MAP3K5: variants seen among roughly 807,000 people sequenced by gnomAD.
MAP3K5 encodes mitogen-activated protein kinase kinase kinase 5, also known as ASK-1.
MAP3K5 carries 56 observed loss-of-function variants against 158.7 expected under a neutral mutation model. That is an observed-to-expected ratio of 0.35 (90% CI 0.28 to 0.44). The LOEUF is 0.44. Among genes scored for constraint, MAP3K5 ranks in the 20% least tolerant of loss-of-function variants. The pLI is 1.00. For synonymous variants in MAP3K5, 579 were observed against 601.7 expected (o/e 0.96, Z 0.55); for missense variants, 1,294 against 1,674.8 (o/e 0.77, Z 3.97).
intron 1 of MAP3K5, among the ~76,000 whole-genome samples, chr6:136,738,353 T>A (rs1782563358): frequency 6.6e-6 from 1 of 152,154 alleles, no homozygotes; most frequent in Non-Finnish European, 1.5e-5. Context: ...GCTGCGGACC[T>A]GCTTGTCTGT....
chr6:136,651,199 T>C, intron 10 of MAP3K5, 108 bp from the exon 11 acceptor site: 1 of 577,688 alleles, frequency 1.7e-6, no homozygotes, highest in East Asian at 3.0e-5. Context: ...CATGAGCTTC[T>C]GAATCTGTTC....
chr6:136,572,643 C>T (rs1179123738), intron 25 of MAP3K5, among the ~76,000 whole-genome samples: 3 of 152,162 alleles, frequency 2.0e-5, no homozygotes, highest in African/African-American at 7.2e-5. Flanking sequence ...TAAATATCCT[C>T]TTAATTCTGT....
intron 15 of MAP3K5, 82 bp downstream of exon 15, chr6:136,622,766 G>T: frequency 7.0e-7 from 1 of 1,421,646 alleles, no homozygotes; most frequent in Non-Finnish European, 9.7e-7. Context: ...TCATTCATTA[G>T]AATATCATCA....
rs1784108280 is a variant in MAP3K5, at chr6:136,769,771, GGAAGGAAGGAAGGAAGGA to G, written c.448+21921_448+21938del. Reference sequence around the variant, plus strand: ...AGGAAGGAAGGAAGGAAGGAAGGAAGGAAGGAAGGAAGGAAGGAAGGAAGGGAGGGAGGGAGGGAGGGG... The same window carrying G: ...AGGAAGGAAGGAAGGAAGGAAGGAAGAGGAAGGGAGGGAGGGAGGGAGGGG... On this transcript the variant is annotated intron_variant, in intron 1 of 29. Coordinates refer to ENST00000359015, the MANE Select transcript of MAP3K5 (RefSeq NM_005923.4). Among the ~76,000 whole-genome samples the G allele has an allele frequency of 5.7e-4, 24 of 41,936 alleles. 1 individual carries two copies. The highest frequency in any genetic ancestry group is 2.0e-3 in the African/African-American group (16 of 8,022). The allele number at this position is 41,936 out of a possible 152,430, so 27.5% of individuals were successfully genotyped here.
At chr6:136,571,679 C>T (rs1774374886) in intron 25 of MAP3K5, among the ~76,000 whole-genome samples, 1 of 152,184 alleles carries the variant, frequency 6.6e-6, no homozygotes, top group South Asian at 2.1e-4. Flanking sequence ...TTGCTTCCAC[C>T]TCTTGGCAAT....
chr6:136,704,008 C>A (rs1780963466), intron 3 of MAP3K5, among the ~76,000 whole-genome samples: 3 of 152,190 alleles, frequency 2.0e-5, no homozygotes, highest in African/African-American at 4.8e-5. Flanking sequence ...ATTGGCCTAA[C>A]AAGGCTGTTT....
intron 6 of MAP3K5, among the ~76,000 whole-genome samples, chr6:136,695,339 G>A (rs1023173239): frequency 6.6e-6 from 1 of 151,932 alleles, no homozygotes. Context: ...GGGTTTCACC[G>A]TGTTGCCCAG....
chr6:136,727,838 T>C (rs1782035564), intron 1 of MAP3K5, among the ~76,000 whole-genome samples: 1 of 152,004 alleles, frequency 6.6e-6, no homozygotes. Flanking sequence ...GGCAGGTGCC[T>C]GTAGTCCCAG....
intron 1 of MAP3K5, among the ~76,000 whole-genome samples, chr6:136,728,490 T>C (rs910776462): frequency 6.6e-6 from 1 of 152,188 alleles, no homozygotes; most frequent in African/African-American, 2.4e-5. Context: ...TCATCTATCA[T>C]CAAGGTCTTG....
At position 136,659,275 on chromosome 6, in the gene MAP3K5, G is replaced by T; in HGVS notation, c.1470C>A (p.Asp490Glu). ...FFLGASVLAN[D>E]HMRVIQASEK... ...CAGATGCTTGAATGACTCTCATGTG[G>T]TCATTGGCTAGGACGCTGGCCCCCA... The change falls in exon 9 of 30, where the codon GAC becomes GAA. Residue 490 changes from aspartate to glutamate, a missense_variant. By Grantham distance (45) the Asp-to-Glu change is conservative. Transcript: ENST00000359015. The T allele has an allele frequency of 6.2e-7, 1 of 1,614,122 alleles. No homozygotes were observed. The highest frequency in any genetic ancestry group is 8.5e-7 in the Non-Finnish European group (1 of 1,180,014).
chr6:136,608,706 C>G (rs769551776), intron 18 of MAP3K5, among the ~76,000 whole-genome samples: 1 of 152,186 alleles, frequency 6.6e-6, no homozygotes, highest in Non-Finnish European at 1.5e-5. Context: ...CCTTCATTTT[C>G]TCACCACAAA....
Position 136,625,651 on chromosome 6 carries a change from G to A in MAP3K5, c.2017-2670C>T, listed in dbSNP as rs865783684. ...TGCTCTTGAGCCTGGGATATCCCTG[G>A]AGTGCCTGGCAGAAACAAAGCAAAA... On this transcript the variant is annotated intron_variant, in intron 14 of 29. Transcript: ENST00000359015. 3.3e-5 allele frequency among the ~76,000 whole-genome samples: 5 copies of A among 152,282 alleles called. No individual in the cohort carries two copies. The Middle Eastern group carries it at 0.01, about 311-fold the overall frequency.
chr6:136,658,599 C>A (rs1160121535), intron 9 of MAP3K5, among the ~76,000 whole-genome samples: 2 of 152,102 alleles, frequency 1.3e-5, no homozygotes, highest in African/African-American at 4.8e-5. Context: ...CAGGTGTGAG[C>A]CACCGTGCGC....
chr6:136,676,889 T>A (rs1193640736), intron 7 of MAP3K5, among the ~76,000 whole-genome samples: 1 of 151,300 alleles, frequency 6.6e-6, no homozygotes, highest in African/African-American at 2.4e-5. Context: ...CCTCCTGGGT[T>A]CAAGTGATTC....
intron 12 of MAP3K5, among the ~76,000 whole-genome samples, chr6:136,641,720 G>A (rs1049062212): frequency 6.6e-6 from 1 of 151,172 alleles, no homozygotes; most frequent in South Asian, 2.1e-4. Flanking sequence ...CGGGCGGAGT[G>A]GCTCACACCT....
intron 1 of MAP3K5, among the ~76,000 whole-genome samples, chr6:136,750,163 C>G (rs977539061): frequency 1.3e-5 from 2 of 152,124 alleles, no homozygotes; most frequent in African/African-American, 4.8e-5. Flanking sequence ...TTGTAACCTC[C>G]GCCTCCTAGG....
chr6:136,791,684 G>A (rs1415889435), intron 1 of MAP3K5, 26 bp downstream of exon 1: 1 of 1,610,844 alleles, frequency 6.2e-7, no homozygotes, highest in African/African-American at 1.3e-5. Context: ...CGACCGCGCG[G>A]GATGGGAAAG....
intron 11 of MAP3K5, among the ~76,000 whole-genome samples, chr6:136,650,472 A>G (rs1444620285): frequency 1.3e-5 from 2 of 152,226 alleles, no homozygotes; most frequent in Non-Finnish European, 2.9e-5. Flanking sequence ...TTCTCAAAAT[A>G]GGTGGTCGCA....
chr6:136,664,736 G>A (rs2114496264), intron 8 of MAP3K5, among the ~76,000 whole-genome samples: 1 of 152,318 alleles, frequency 6.6e-6, no homozygotes, highest in South Asian at 2.1e-4. Context: ...TTCAAGACCA[G>A]CTTGGCCAAC....
Sources: gnomAD v4.1 joint callset for allele counts (sites outside exome capture counted in the v4.1 genomes callset) on GRCh38, gnomAD v4.1.1 for gene constraint, MANE v1.5 for transcripts, NCBI Gene and HGNC (gene_info 2026-07-23, HGNC 2026-07-21) for gene names.